The following GLYR1 variants were observed in gnomAD, a reference collection of about 807,000 sequenced individuals.
GLYR1 encodes the protein glyoxylate reductase 1 homolog, also known as cytokine-like nuclear factor N-PAC.
A neutral mutation model predicts 72.7 loss-of-function variants in GLYR1; 21 were observed. The observed-to-expected ratio is 0.29, with a 90% CI of 0.20 to 0.42. The LOEUF is 0.42. Among genes scored for constraint, GLYR1 ranks in the 10% least tolerant of loss-of-function variants. The probability of loss-of-function intolerance (pLI) is 1.00; values close to 1 mark genes in which losing one functional copy is unlikely to be tolerated. For missense variants in GLYR1, 594 were observed against 712.1 expected (o/e 0.83, Z 1.89); for synonymous variants, 392 against 270.2 (o/e 1.45, Z -4.42).
At chr16:4,825,086 T>C (rs964937240) in intron 5 of GLYR1, among the ~76,000 whole-genome samples, 2 of 151,956 alleles carry the variant, frequency 1.3e-5, no homozygotes, top group South Asian at 4.2e-4. Flanking sequence ...CAAAAATAAA[T>C]CTCCCTGCTT....
intron 6 of GLYR1, 107 bp from the exon 7 acceptor site, chr16:4,823,038 G>C: frequency 2.1e-6 from 2 of 932,052 alleles, no homozygotes; most frequent in Non-Finnish European, 3.5e-6. Context: ...CTGGATTCTG[G>C]TCTCTTTTTC....
At chr16:4,846,783 C>G in intron 1 of GLYR1, 1 of 253,130 alleles carries the variant, frequency 4.0e-6, no homozygotes, top group Non-Finnish European at 7.7e-6. Context: ...TAGACAACCC[C>G]GGCTGAGCCG....
intron 12 of GLYR1, among the ~76,000 whole-genome samples, chr16:4,813,410 G>A (rs1228589709): frequency 1.3e-5 from 2 of 152,136 alleles, no homozygotes; most frequent in African/African-American, 2.4e-5. Flanking sequence ...CCAGATGCTC[G>A]GGGAGGAGGG....
At chr16:4,822,820 G>T in intron 7 of GLYR1, 55 bp downstream of exon 7, 1 of 1,432,608 alleles carries the variant, frequency 7.0e-7, no homozygotes, top group Non-Finnish European at 9.9e-7. Flanking sequence ...CCCAGTGGAG[G>T]AGCACTCCTT....
chr16:4,847,005 C>G, intron 1 of GLYR1: 1 of 555,368 alleles, frequency 1.8e-6, no homozygotes. Flanking sequence ...CGGCCGGCCT[C>G]GGGGATCAAA....
intron 10 of GLYR1, among the ~76,000 whole-genome samples, chr16:4,815,951 T>C (rs2083613032): frequency 6.6e-6 from 1 of 151,374 alleles, no homozygotes; most frequent in Non-Finnish European, 1.5e-5. Context: ...CCGGCTAATT[T>C]TTCGTATTTT....
Position 4,847,251 on chromosome 16 carries a change from A to G in GLYR1, c.15T>C (p.Ser5=). The G allele has an allele frequency of 1.2e-6, 2 of 1,609,396 alleles. No homozygotes were observed. The highest frequency in any genetic ancestry group is 2.2e-5 in the East Asian group (1 of 44,626). ...ACCACACCAAGTCGCCGAGCCGCAG[A>G]CTCACAGCCGCCATCTTACCACCCA... is the stretch of plus-strand genomic sequence containing the variant. The part of the protein sequence containing the change: MAAV[S]LRLGDLVWGK... Residue 5 remains serine (S), a synonymous_variant, in exon 1 of 16, where the codon AGT becomes AGC. Transcript: ENST00000321919.
chr16:4,808,737 T>C (rs758100047), intron 15 of GLYR1, among the ~76,000 whole-genome samples: 1 of 152,160 alleles, frequency 6.6e-6, no homozygotes, highest in Non-Finnish European at 1.5e-5. Context: ...TTCAGTTGTT[T>C]TTTTTTTAGA....
intron 5 of GLYR1, among the ~76,000 whole-genome samples, chr16:4,828,781 A>G (rs1355867800): frequency 2.0e-5 from 3 of 152,144 alleles, no homozygotes; most frequent in Non-Finnish European, 1.5e-5. Context: ...CGATGAGACA[A>G]GGAAACTGGG....
chr16:4,805,346 A>G, intron 15 of GLYR1, 36 bp from the exon 16 acceptor site: 1 of 1,582,540 alleles, frequency 6.3e-7, no homozygotes, highest in South Asian at 1.1e-5. Flanking sequence ...CTCTGGCCCC[A>G]GAGCTGCCTT....
At chr16:4,836,826 AAAAC>A (rs2085166906) in intron 3 of GLYR1, among the ~76,000 whole-genome samples, 1 of 151,698 alleles carries the variant, frequency 6.6e-6, no homozygotes. Flanking sequence ...AAAAAAAAAA[AAAAC>A]AAAACAAATC....
intron 3 of GLYR1, among the ~76,000 whole-genome samples, chr16:4,841,741 A>G (rs2085570003): frequency 6.6e-6 from 1 of 152,146 alleles, no homozygotes; most frequent in African/African-American, 2.4e-5. Context: ...TTTGTTTCAG[A>G]CTTGTGTAAT....
intron 5 of GLYR1, among the ~76,000 whole-genome samples, chr16:4,828,093 G>A (rs1466924982): frequency 6.6e-6 from 1 of 150,864 alleles, no homozygotes; most frequent in African/African-American, 2.4e-5. Flanking sequence ...TTTTTGAGAT[G>A]GAGTCTCGCT....
At chr16:4,838,771 G>A (rs1211793295) in intron 3 of GLYR1, among the ~76,000 whole-genome samples, 1 of 151,848 alleles carries the variant, frequency 6.6e-6, no homozygotes, top group Non-Finnish European at 1.5e-5. Context: ...GTATTTTTAG[G>A]AGAGACGGGG....
At chr16:4,817,920 T>C (rs1452471211) in intron 9 of GLYR1, 3 of 515,790 alleles carry the variant, frequency 5.8e-6, no homozygotes, top group East Asian at 3.4e-5. Context: ...AACAGGCATT[T>C]TGAAACCCCT....
At chr16:4,835,277 A>G (rs1299705136) in intron 3 of GLYR1, among the ~76,000 whole-genome samples, 1 of 152,188 alleles carries the variant, frequency 6.6e-6, no homozygotes, top group African/African-American at 2.4e-5. Flanking sequence ...GTGAAGTGCC[A>G]AGGAATCAAC....
intron 3 of GLYR1, 177 bp from the exon 4 acceptor site, chr16:4,833,089 T>C (rs577289823): frequency 6.2e-6 from 3 of 484,924 alleles, no homozygotes; most frequent in South Asian, 9.5e-5. Context: ...GTCTAAAGTA[T>C]ATTTTCTTGA....
At chr16:4,815,168 C>CA (rs1409237523) in intron 10 of GLYR1, among the ~76,000 whole-genome samples, 4 of 151,786 alleles carry the variant, frequency 2.6e-5, no homozygotes, top group Admixed American at 6.6e-5. Context: ...CACAGTGGTG[C>CA]AATCATGGCT....
intron 15 of GLYR1, among the ~76,000 whole-genome samples, chr16:4,807,876 G>T (rs1055975705): frequency 9.9e-5 from 15 of 152,228 alleles, no homozygotes; most frequent in Non-Finnish European, 1.8e-4. Flanking sequence ...AAATAGTAAT[G>T]TAATCTGAAA....
Sources: gnomAD v4.1 joint callset for allele counts (sites outside exome capture counted in the v4.1 genomes callset) on GRCh38, gnomAD v4.1.1 for gene constraint, MANE v1.5 for transcripts, NCBI Gene and HGNC (gene_info 2026-07-23, HGNC 2026-07-21) for gene names.